The following NRG1 variants were observed in gnomAD, a reference collection of about 807,000 sequenced individuals.
NRG1 encodes neuregulin 1.
NRG1 carries 18 observed loss-of-function variants against 63.8 expected under a neutral mutation model. The ratio of observed to expected loss-of-function variants is 0.28; its 90% CI spans 0.19 to 0.42. The LOEUF is 0.42. Ranked by LOEUF, NRG1 falls within the 10% of genes least tolerant of loss-of-function variation. The pLI is 1.00. For synonymous variants in NRG1, 302 were observed against 301.3 expected (o/e 1.00, Z -0.02); for missense variants, 762 against 814.7 (o/e 0.94, Z 0.79).
intron 1 of NRG1, among the ~76,000 whole-genome samples, chr8:31,894,546 C>CTTTTTTT (rs370312165): frequency 7.1e-5 from 7 of 98,066 alleles, no homozygotes; most frequent in Admixed American, 1.1e-4. Flanking sequence ...CTATTTCTTT[C>CTTTTTTT]TTTTTTCTTT....
At chr8:32,638,083 T>C (rs930598301) in intron 5 of NRG1, among the ~76,000 whole-genome samples, 15 of 152,310 alleles carry the variant, frequency 9.8e-5, no homozygotes, top group Non-Finnish European at 1.5e-4. Flanking sequence ...TTTGTAGAAA[T>C]TAATTAAAAA....
At chr8:31,902,158 A>G (rs1563545261) in intron 1 of NRG1, among the ~76,000 whole-genome samples, 1 of 152,222 alleles carries the variant, frequency 6.6e-6, no homozygotes. Flanking sequence ...TTAGTAAGTA[A>G]ACCAGAAAGT....
At chr8:32,604,528 TCA>T (rs1213672382) in intron 2 of NRG1, among the ~76,000 whole-genome samples, 2 of 152,130 alleles carry the variant, frequency 1.3e-5, no homozygotes, top group Non-Finnish European at 2.9e-5. Flanking sequence ...GCCCAATAAA[TCA>T]CAGTTACCAG....
chr8:31,932,374 A>G (rs1246364958), intron 1 of NRG1, among the ~76,000 whole-genome samples: 1 of 152,324 alleles, frequency 6.6e-6, no homozygotes, highest in Non-Finnish European at 1.5e-5. Flanking sequence ...CTACCCGACA[A>G]TATTGTCAAA....
chr8:32,763,397 C>G, intron 11 of NRG1: 1 of 1,605,236 alleles, frequency 6.2e-7, no homozygotes, highest in Non-Finnish European at 8.5e-7. Flanking sequence ...CCTTCCGAAT[C>G]CCTGAGCCTT....
intron 1 of NRG1, among the ~76,000 whole-genome samples, chr8:32,130,594 C>G (rs1447156405): frequency 6.6e-6 from 1 of 151,882 alleles, no homozygotes; most frequent in Non-Finnish European, 1.5e-5. Flanking sequence ...CATAAATTAT[C>G]TTTCAGATTG....
At chr8:31,795,965 A>T (rs994101059) in intron 1 of NRG1, among the ~76,000 whole-genome samples, 16 of 152,228 alleles carry the variant, frequency 1.1e-4, no homozygotes, top group Admixed American at 9.2e-4. Context: ...TAGACACTCA[A>T]GAAATTGTAT....
rs148707663 is a variant in NRG1 at position 32,541,681 on chromosome 8, G to A, written c.38-54147G>A. ...TTTTGAAAGGAAAGAAGATAGGAAC[G>A]TTGAAGAGGTTCTTGTGGGATCACT... On this transcript the variant is annotated intron_variant, in intron 1 of 10. Transcript: ENST00000519301. Among the ~76,000 whole-genome samples the A allele has an allele frequency of 2.4e-3, 363 of 152,258 alleles. 2 individuals carry two copies. In the South Asian group the frequency reaches 0.035, roughly 15 times the overall value.
intron 1 of NRG1, among the ~76,000 whole-genome samples, chr8:32,428,447 G>A (rs1287057273): frequency 2.0e-5 from 3 of 152,052 alleles, no homozygotes; most frequent in African/African-American, 7.2e-5. Context: ...TCATTGTTGG[G>A]ATGTGTTGTC....
intron 1 of NRG1, among the ~76,000 whole-genome samples, chr8:32,487,942 C>T (rs758766158): frequency 1.3e-5 from 2 of 152,110 alleles, no homozygotes; most frequent in Admixed American, 6.5e-5. Context: ...CGAGGTTGTG[C>T]AACAAGGGTA....
chr8:32,397,248 C>T (rs1812555800), intron 1 of NRG1, among the ~76,000 whole-genome samples: 1 of 152,062 alleles, frequency 6.6e-6, no homozygotes, highest in East Asian at 1.9e-4. Flanking sequence ...CAAATTGGAT[C>T]CCTGTTACTC....
chr8:32,069,634 CT>C (rs1825444683), intron 1 of NRG1, among the ~76,000 whole-genome samples: 1 of 152,048 alleles, frequency 6.6e-6, no homozygotes, highest in Non-Finnish European at 1.5e-5. Flanking sequence ...GGAATGGGAC[CT>C]TTTTGGAAGA....
chr8:32,328,007 A>T (rs1032531078), intron 1 of NRG1, among the ~76,000 whole-genome samples: 1 of 152,230 alleles, frequency 6.6e-6, no homozygotes, highest in African/African-American at 2.4e-5. Flanking sequence ...TCAAATCTTT[A>T]ATGTGGAAAG....
intron 1 of NRG1, among the ~76,000 whole-genome samples, chr8:32,117,610 A>G (rs532984523): frequency 6.6e-6 from 1 of 152,246 alleles, no homozygotes; most frequent in East Asian, 1.9e-4. Flanking sequence ...TGATTAACTC[A>G]GAAAGTTATA....
intron 1 of NRG1, among the ~76,000 whole-genome samples, chr8:31,865,516 C>A (rs1175131430): frequency 6.6e-6 from 1 of 151,982 alleles, no homozygotes; most frequent in Admixed American, 6.6e-5. Flanking sequence ...ATGGGAGAGA[C>A]CTTGTAGGAG....
At chr8:32,200,173 T>A (rs1001671922) in intron 1 of NRG1, among the ~76,000 whole-genome samples, 1 of 152,222 alleles carries the variant, frequency 6.6e-6, no homozygotes, top group Non-Finnish European at 1.5e-5. Flanking sequence ...ATTTTTACTT[T>A]CGGGGATTCC....
intron 5 of NRG1, among the ~76,000 whole-genome samples, chr8:32,709,754 G>T (rs1189267079): frequency 1.3e-5 from 2 of 152,036 alleles, no homozygotes; most frequent in African/African-American, 4.8e-5. Context: ...TGTCTCAAGA[G>T]GTTCTGAGAA....
chr8:32,170,136 G>A (rs966535903), intron 1 of NRG1, among the ~76,000 whole-genome samples: 1 of 152,104 alleles, frequency 6.6e-6, no homozygotes, highest in African/African-American at 2.4e-5. Context: ...ACAACACTGT[G>A]ATTTCAGACT....
intron 1 of NRG1, among the ~76,000 whole-genome samples, chr8:31,945,337 C>A (rs1802376673): frequency 6.6e-6 from 1 of 152,160 alleles, no homozygotes; most frequent in Non-Finnish European, 1.5e-5. Flanking sequence ...TGTCACTAGG[C>A]TTTCTTCTGA....
Sources: allele counts gnomAD v4.1 joint callset (sites outside exome capture counted in the v4.1 genomes callset), GRCh38; gene constraint gnomAD v4.1.1; transcripts MANE v1.5; gene names NCBI Gene and HGNC (gene_info 2026-07-23, HGNC 2026-07-21).